The following DSCAM variants were observed in gnomAD, a reference collection of about 807,000 sequenced individuals.
DSCAM encodes the protein DS cell adhesion molecule.
A neutral mutation model predicts 217.7 loss-of-function variants in DSCAM; 47 were observed. The observed-to-expected ratio is 0.22, with a 90% CI of 0.17 to 0.28. The LOEUF is 0.28. Ranked by LOEUF, DSCAM falls within the 10% of genes least tolerant of loss-of-function variation. DSCAM has a pLI of 1.00. For synonymous variants in DSCAM, 1,056 were observed against 1,015.3 expected, an observed-to-expected ratio of 1.04 and a Z score of -0.76; for missense variants, 2,080 against 2,618.3, an observed-to-expected ratio of 0.79 and a Z score of 4.49.
At chr21:40,764,757 A>C (rs1336644272) in intron 1 of DSCAM, among the ~76,000 whole-genome samples, 1 of 151,894 alleles carries the variant, frequency 6.6e-6, no homozygotes, top group African/African-American at 2.4e-5. Flanking sequence ...ACACCATGGA[A>C]TACTATGCAG....
At chr21:40,326,212 T>C (rs1021734133) in intron 8 of DSCAM, among the ~76,000 whole-genome samples, 1 of 152,176 alleles carries the variant, frequency 6.6e-6, no homozygotes, top group Non-Finnish European at 1.5e-5. Flanking sequence ...AATGGTGTGG[T>C]GTCAGCCAAA....
chr21:40,468,823 C>G (rs921534495), intron 3 of DSCAM, among the ~76,000 whole-genome samples: 1 of 151,732 alleles, frequency 6.6e-6, no homozygotes, highest in African/African-American at 2.4e-5. Context: ...GAGATTTGTA[C>G]AACAAAATAA....
chr21:40,577,386 G>T (rs900407291), intron 3 of DSCAM, among the ~76,000 whole-genome samples: 11 of 152,138 alleles, frequency 7.2e-5, no homozygotes, highest in Non-Finnish European at 1.0e-4. Flanking sequence ...GCACTGACAC[G>T]GTAGTCGATC....
intron 3 of DSCAM, among the ~76,000 whole-genome samples, chr21:40,454,005 C>T (rs1168909198): frequency 1.3e-5 from 2 of 152,212 alleles, no homozygotes; most frequent in Admixed American, 1.3e-4. Context: ...TTCACGAGTA[C>T]ACCCCAAATA....
intron 19 of DSCAM, among the ~76,000 whole-genome samples, chr21:40,131,326 C>A (rs369151168): frequency 1.3e-5 from 2 of 152,350 alleles, no homozygotes; most frequent in African/African-American, 4.8e-5. Flanking sequence ...GTGGTTGACA[C>A]AATTCTTCAC....
chr21:40,206,835 C>G (rs529253102), intron 11 of DSCAM, among the ~76,000 whole-genome samples: 1 of 152,276 alleles, frequency 6.6e-6, no homozygotes, highest in African/African-American at 2.4e-5. Flanking sequence ...CCCTTGGGCC[C>G]AACAGGTCAA....
chr21:40,139,542 G>A (rs1164033928), intron 18 of DSCAM, among the ~76,000 whole-genome samples: 1 of 152,024 alleles, frequency 6.6e-6, no homozygotes, highest in Non-Finnish European at 1.5e-5. Context: ...GAGCAGAGGG[G>A]TGACTTTGAA....
intron 5 of DSCAM, among the ~76,000 whole-genome samples, chr21:40,349,136 C>CAAAAAAAAAAAAAAAAAAAAAA (rs758386936): frequency 0.048 from 1,862 of 38,396 alleles, 228 homozygotes; most frequent in Non-Finnish European, 0.068. Flanking sequence ...GACTCCATCT[C>CAAAAAAAAAAAAAAAAAAAAAA]AAAAAAAAAA....
intron 20 of DSCAM, among the ~76,000 whole-genome samples, chr21:40,116,154 C>T (rs1317963192): frequency 6.6e-6 from 1 of 152,084 alleles, no homozygotes; most frequent in African/African-American, 2.4e-5. Flanking sequence ...CAACAACACA[C>T]ACCTTTCAGA....
At chr21:40,603,874 G>A (rs903344027) in intron 3 of DSCAM, among the ~76,000 whole-genome samples, 1 of 143,574 alleles carries the variant, frequency 7.0e-6, no homozygotes, top group Non-Finnish European at 1.5e-5. Flanking sequence ...TTTTTCTTTA[G>A]ATTTCTGCAG....
At chr21:40,292,836 G>A (rs374963241) in intron 10 of DSCAM, among the ~76,000 whole-genome samples, 29 of 151,854 alleles carry the variant, frequency 1.9e-4, no homozygotes, top group African/African-American at 5.3e-4. Flanking sequence ...TCCGCCTCCC[G>A]GGTTCATGCC....
intron 11 of DSCAM, among the ~76,000 whole-genome samples, chr21:40,270,900 G>A (rs953570736): frequency 6.6e-6 from 1 of 152,176 alleles, no homozygotes; most frequent in Non-Finnish European, 1.5e-5. Flanking sequence ...AGTGGGTGAG[G>A]GCAGAAAGTA....
intron 3 of DSCAM, among the ~76,000 whole-genome samples, chr21:40,444,301 G>T (rs1201750347): frequency 6.6e-6 from 1 of 152,190 alleles, no homozygotes; most frequent in Non-Finnish European, 1.5e-5. Context: ...CCAAGGTCGT[G>T]ATAGCAGAAT....
At chr21:40,256,400 C>CAGAG (rs201482308) in intron 11 of DSCAM, among the ~76,000 whole-genome samples, 2,209 of 147,290 alleles carry the variant, frequency 0.015, 60 homozygotes, top group African/African-American at 0.054. Context: ...GAGAGAGAGA[C>CAGAG]AGACAGAGAG....
chr21:40,109,312 A>G (rs2089864237), intron 20 of DSCAM, among the ~76,000 whole-genome samples: 1 of 152,210 alleles, frequency 6.6e-6, no homozygotes, highest in African/African-American at 2.4e-5. Context: ...AAAAAAATAA[A>G]CAATCCGATA....
rs1179589742 is a variant in DSCAM at position 40,144,858 on chromosome 21, C to T, written c.3019-127G>A. 1 of 1,352,202 alleles carries T rather than the reference C, an allele frequency of 7.4e-7. No individual in the cohort carries two copies. Among genetic ancestry groups the T allele is most frequent in the African/African-American group, 1.5e-5 (1 of 68,602 alleles). 83.8% of individuals were successfully genotyped at this position (1,352,202 alleles called of 1,614,324 possible). A position where few individuals can be genotyped will look rare whatever the true frequency, so the allele number is the denominator to read the frequency against. On this transcript the variant is annotated intron_variant, in intron 16 of 32. Transcript: ENST00000400454. This position sits in a 1 kb window ranked among gnomAD's most constrained non-coding sequence, Gnocchi z 4.8. ...ATCGCCACGATGCTGGGGCGGTGGT[C>T]CGGTAGCAGCCGCAAACCCACGTAC...
At chr21:40,576,065 T>A (rs1462048069) in intron 3 of DSCAM, among the ~76,000 whole-genome samples, 2 of 145,460 alleles carry the variant, frequency 1.4e-5, no homozygotes, top group African/African-American at 5.0e-5. Context: ...CTTTTAGAAG[T>A]TTTATAAAGT....
At chr21:40,697,196 C>T (rs746564348) in intron 2 of DSCAM, among the ~76,000 whole-genome samples, 5 of 152,158 alleles carry the variant, frequency 3.3e-5, no homozygotes, top group Non-Finnish European at 7.3e-5. Context: ...ATTCACTTAG[C>T]ATAGCAACCT....
intron 3 of DSCAM, among the ~76,000 whole-genome samples, chr21:40,548,202 C>T (rs890628507): frequency 2.0e-5 from 3 of 152,176 alleles, no homozygotes; most frequent in Admixed American, 6.5e-5. Flanking sequence ...AACAGCCACC[C>T]GAGGGCCTAG....
Sources: allele counts gnomAD v4.1 joint callset (sites outside exome capture counted in the v4.1 genomes callset), GRCh38; gene constraint gnomAD v4.1.1; non-coding constraint Gnocchi (gnomAD v3.1); transcripts MANE v1.5; gene names NCBI Gene and HGNC (gene_info 2026-07-23, HGNC 2026-07-21).